The following SLC16A12 variants were observed in gnomAD, a reference collection of about 807,000 sequenced individuals.
The protein encoded by SLC16A12 is solute carrier family 16 member 12, also known as monocarboxylate transporter 12.
A neutral mutation model predicts 42.4 loss-of-function variants in SLC16A12; 17 were observed. The observed-to-expected ratio is 0.40, with a 90% confidence interval of 0.27 to 0.60. The LOEUF (loss-of-function observed/expected upper bound fraction) is 0.60. SLC16A12 is among the 20% of genes least tolerant of loss of function. The pLI, the probability that SLC16A12 is intolerant of heterozygous loss-of-function variation, is 0.42. For missense variants in SLC16A12, 544 were observed against 623.0 expected, an observed-to-expected ratio of 0.87 and a Z score of 1.35; for synonymous variants, 224 against 229.4, an observed-to-expected ratio of 0.98 and a Z score of 0.21.
chr10:89,485,981 T>C (rs998779131), intron 2 of SLC16A12, among the ~76,000 whole-genome samples: 4 of 152,244 alleles, frequency 2.6e-5, no homozygotes, highest in Non-Finnish European at 4.4e-5. Context: ...TAAGCCATCA[T>C]GACAGAGTGG....
Position 89,525,087 on chromosome 10 carries a change from G to A in SLC16A12, c.-47+9414C>T, listed in dbSNP as rs1363786029. On this transcript the variant is annotated intron_variant, in intron 2 of 7. Transcript: ENST00000371790. ...CAAAAAAAAATTCCCTGGGCGTGGCGCCGTGCGCCTGTAGTCCCAGCTACT... is the reference window on the plus strand; with the variant it reads ...CAAAAAAAAATTCCCTGGGCGTGGCACCGTGCGCCTGTAGTCCCAGCTACT... Among the ~76,000 whole-genome samples the A allele has an allele frequency of 2.6e-5, 4 of 152,102 alleles. 1 individual carries two copies. Among genetic ancestry groups the A allele is most frequent in the East Asian group, 3.9e-4 (2 of 5,186 alleles).
intron 2 of SLC16A12, among the ~76,000 whole-genome samples, chr10:89,500,244 T>C (rs1021975506): frequency 3.9e-5 from 6 of 152,296 alleles, no homozygotes; most frequent in Middle Eastern, 3.4e-3. Context: ...CTGTTGACAC[T>C]ATTCCACAAG....
At chr10:89,520,356 A>T (rs953278616) in intron 2 of SLC16A12, among the ~76,000 whole-genome samples, 28 of 152,286 alleles carry the variant, frequency 1.8e-4, no homozygotes, top group Admixed American at 1.0e-3. Flanking sequence ...ACATCAAAAA[A>T]TTATGTCCCC....
Position 89,462,630 on chromosome 10 carries a change from AC to A in SLC16A12, c.-46-7del, listed in dbSNP as rs1842321096. The stretch of plus-strand genomic sequence containing the variant: ...GCCCATGGGTTACTCGCCATCTAAA[AC>A]CAAAAATCAGGACATATTTATATCT... On this transcript the variant is annotated splice_polypyrimidine_tract_variant and splice_region_variant and intron_variant, in intron 2 of 7. Coordinates refer to ENST00000371790, the MANE Select transcript of SLC16A12 (RefSeq NM_213606.4). The A allele has an allele frequency of 2.0e-6, 3 of 1,536,480 alleles. No individual in the cohort carries two copies. Among genetic ancestry groups the A allele is most frequent in the Non-Finnish European group, 2.6e-6 (3 of 1,148,396 alleles).
intron 2 of SLC16A12, among the ~76,000 whole-genome samples, chr10:89,521,147 G>A (rs1290140422): frequency 6.6e-6 from 1 of 152,172 alleles, no homozygotes; most frequent in Non-Finnish European, 1.5e-5. Context: ...TTGATTGCCA[G>A]CCAAGGCTCC....
At chr10:89,447,984 C>T (rs910719090) in intron 3 of SLC16A12, among the ~76,000 whole-genome samples, 3 of 152,030 alleles carry the variant, frequency 2.0e-5, no homozygotes, top group Non-Finnish European at 4.4e-5. Context: ...ACTATAAACA[C>T]CTCTATGCAA....
At chr10:89,511,994 A>ACC (rs1279113884) in intron 2 of SLC16A12, among the ~76,000 whole-genome samples, 3 of 152,218 alleles carry the variant, frequency 2.0e-5, no homozygotes, top group Non-Finnish European at 4.4e-5. Flanking sequence ...ACATTCTGAT[A>ACC]TATACTACAC....
chr10:89,455,592 T>C (rs1842175867), intron 3 of SLC16A12, among the ~76,000 whole-genome samples: 1 of 152,236 alleles, frequency 6.6e-6, no homozygotes, highest in Non-Finnish European at 1.5e-5. Context: ...ACAGAACTTT[T>C]TGAGTAGTAG....
intron 2 of SLC16A12, among the ~76,000 whole-genome samples, chr10:89,472,487 C>CTTTTTTTTTTTTT (rs71022567): frequency 3.6e-4 from 32 of 89,916 alleles, no homozygotes; most frequent in African/African-American, 4.1e-4. Flanking sequence ...TCTTTTCTTT[C>CTTTTTTTTTTTTT]TTTTTTTTTT....
rs564109200 is a variant in SLC16A12 at position 89,433,307 on chromosome 10, G to A, written c.1308C>T (p.Thr436=). Residue 436 remains threonine (T), a synonymous_variant, in exon 8 of 8, where the codon ACC becomes ACT. Transcript: ENST00000371790. ...GGAGGAATGCTGCAGTGTAGCTGCCGGTGGTATCTACCAGCCGTCCTGTAA... is the reference window on the plus strand; with the variant it reads ...GGAGGAATGCTGCAGTGTAGCTGCCAGTGGTATCTACCAGCCGTCCTGTAA... ...PPIAGRLVDT[T]GSYTAAFLLC... The A allele has an allele frequency of 5.8e-5, 94 of 1,613,966 alleles. No individual in the cohort carries two copies. In the East Asian group the frequency reaches 6.0e-4, roughly 10 times the overall value.
intron 3 of SLC16A12, among the ~76,000 whole-genome samples, chr10:89,445,431 T>C (rs1401848876): frequency 6.6e-6 from 1 of 152,256 alleles, no homozygotes; most frequent in Non-Finnish European, 1.5e-5. Flanking sequence ...TTTGCTGTTC[T>C]GCAGCCTCTG....
chr10:89,442,826 T>A lies in SLC16A12; in HGVS notation c.304+930A>T, dbSNP rs185227236. ...CCAAAAAGAAATATGAGTCAGTGCC[T>A]AGAATGGAATAAAATGGTTATTATG... On this transcript the variant is annotated intron_variant, in intron 4 of 7. Transcript: ENST00000371790. 2.8e-3 allele frequency among the ~76,000 whole-genome samples: 424 copies of A among 152,270 alleles called. 1 individual carries two copies. Among genetic ancestry groups the A allele is most frequent in the East Asian group, 2.1e-3 (11 of 5,188 alleles).
rs201968601 is a variant in SLC16A12 at position 89,517,133 on chromosome 10, G to T, written c.-47+17368C>A. 3.9e-5 allele frequency among the ~76,000 whole-genome samples: 6 copies of T among 152,130 alleles called. No homozygotes were observed. In the East Asian group the frequency reaches 1.2e-3, roughly 29 times the overall value. The stretch of plus-strand genomic sequence containing the variant: ...CCACCTACTTAGGAGGATAAGGCAG[G>T]AGGATCCCTTGAGCCCAGGAGTTCA... On this transcript the variant is annotated intron_variant, in intron 2 of 7. Transcript: ENST00000371790.
At chr10:89,487,809 C>CAAAAAAAAA (rs71022569) in intron 2 of SLC16A12, among the ~76,000 whole-genome samples, 1 of 84,780 alleles carries the variant, frequency 1.2e-5, no homozygotes. Context: ...GATTCTGTCT[C>CAAAAAAAAA]AAAAAAAAAA....
At chr10:89,528,310 T>G (rs1843488243) in intron 2 of SLC16A12, among the ~76,000 whole-genome samples, 1 of 152,172 alleles carries the variant, frequency 6.6e-6, no homozygotes, top group Non-Finnish European at 1.5e-5. Flanking sequence ...AAACACATAA[T>G]AAAGGACACA....
chr10:89,481,644 TGTG>T (rs1181665669), intron 2 of SLC16A12, among the ~76,000 whole-genome samples: 3 of 77,114 alleles, frequency 3.9e-5, no homozygotes, highest in Non-Finnish European at 1.1e-4. Context: ...TTTTTTTTCT[TGTG>T]TGTGTGTGTG....
intron 3 of SLC16A12, among the ~76,000 whole-genome samples, chr10:89,444,123 G>T (rs1253055472): frequency 6.6e-6 from 1 of 152,186 alleles, no homozygotes; most frequent in African/African-American, 2.4e-5. Flanking sequence ...ACAAAAGCAG[G>T]TCAGGAACAT....
chr10:89,529,472 G>A (rs1439699464), intron 2 of SLC16A12, among the ~76,000 whole-genome samples: 5 of 151,642 alleles, frequency 3.3e-5, no homozygotes, highest in Non-Finnish European at 4.4e-5. Flanking sequence ...GCCAGAAGAC[G>A]GTGTTAGGGG....
chr10:89,497,474 C>A (rs1426522209), intron 2 of SLC16A12, among the ~76,000 whole-genome samples: 2 of 152,082 alleles, frequency 1.3e-5, no homozygotes, highest in Non-Finnish European at 2.9e-5. Context: ...AAGACCAGGT[C>A]TTTTCAAATG....
Sources: allele counts gnomAD v4.1 joint callset (sites outside exome capture counted in the v4.1 genomes callset), GRCh38; gene constraint gnomAD v4.1.1; transcripts MANE v1.5; gene names NCBI Gene and HGNC (gene_info 2026-07-23, HGNC 2026-07-21).